Variants in LRRC4B observed in about 807,000 individuals in gnomAD.
LRRC4B encodes the protein leucine-rich repeat-containing protein 4B.
Under a neutral mutation model 7.3 loss-of-function variants are expected in LRRC4B, and 1 was observed. The ratio of observed to expected loss-of-function variants is 0.14; its 90% CI spans 0.05 to 0.65. LRRC4B has a LOEUF of 0.65. Ranked by LOEUF, LRRC4B falls within the 30% of genes least tolerant of loss-of-function variation. LRRC4B has a pLI of 0.84. For synonymous variants in LRRC4B, 500 were observed against 499.2 expected (o/e 1.00, Z -0.02); for missense variants, 730 against 1,041.6 (o/e 0.70, Z 4.12).
chr19:50,524,557 A>G (rs1199883120), intron 2 of LRRC4B, among the ~76,000 whole-genome samples: 1 of 152,136 alleles, frequency 6.6e-6, no homozygotes, highest in African/African-American at 2.4e-5. Flanking sequence ...CCCAGCCCAC[A>G]TGTGTAATTT....
chr19:50,540,760 T>G, intron 2 of LRRC4B, among the ~76,000 whole-genome samples: 1 of 151,554 alleles, frequency 6.6e-6, no homozygotes, highest in African/African-American at 2.4e-5. Context: ...GATCCATCAC[T>G]GTCTCCCATC....
At position 50,555,737 on chromosome 19, in the gene LRRC4B, G is replaced by A. The variant is rs561265704; in HGVS notation, c.-35-6864C>T. On this transcript the variant is annotated intron_variant, in intron 1 of 2. Transcript: ENST00000652263. This position sits in a 1 kb window ranked among gnomAD's most constrained non-coding sequence, Gnocchi z 5.2. Reference sequence around the variant, plus strand: ...AGAGGCGGGGTGAGGAGAAATGGGAGGCAGGGAACGTTCCTGTCAGGCGCA... The same window carrying A: ...AGAGGCGGGGTGAGGAGAAATGGGAAGCAGGGAACGTTCCTGTCAGGCGCA... 6.6e-6 allele frequency: 1 copy of A among 152,344 alleles called. No individual in the cohort carries two copies. The highest frequency in any genetic ancestry group is 1.5e-5 in the Non-Finnish European group (1 of 68,188). 9.4% of individuals were successfully genotyped at this position (152,344 alleles called of 1,614,324 possible). A position where few individuals can be genotyped will look rare whatever the true frequency, so the allele number is the denominator to read the frequency against.
intron 1 of LRRC4B, among the ~76,000 whole-genome samples, chr19:50,567,723 C>T (rs1265122240): frequency 1.4e-5 from 2 of 146,572 alleles, no homozygotes; most frequent in Non-Finnish European, 3.0e-5. Context: ...CCACCCCCCC[C>T]ACAGCACAGA....
intron 2 of LRRC4B, among the ~76,000 whole-genome samples, chr19:50,528,200 GC>G (rs1367510763): frequency 6.6e-6 from 1 of 152,026 alleles, no homozygotes; most frequent in Non-Finnish European, 1.5e-5. Context: ...ACACCACCAT[GC>G]CTTGCTAAGT....
At position 50,548,617 on chromosome 19, in the gene LRRC4B, C is replaced by T. The variant is rs756139309; in HGVS notation, c.222G>A (p.Arg74=). 62 of 1,598,044 alleles carry T rather than the reference C, an allele frequency of 3.9e-5. No homozygotes were observed. In the South Asian group the frequency reaches 5.3e-4, roughly 14 times the overall value. The change falls in exon 2 of 3, where the codon CGG becomes CGA. Residue 74 remains arginine, a synonymous_variant. Transcript: ENST00000652263. This position sits in a 1 kb window ranked among gnomAD's most constrained non-coding sequence, Gnocchi z 6.8. ...SNQASRVICT[R]RDLAEVPASI... is the part of the protein sequence containing the mutation. ...TGGCTGGGACCTCGGCCAGGTCTCT[C>T]CGTGTGCAGATCACCCGGCTGGCCT...
intron 2 of LRRC4B, among the ~76,000 whole-genome samples, chr19:50,533,306 C>T (rs563214992): frequency 1.3e-5 from 2 of 152,242 alleles, no homozygotes; most frequent in South Asian, 4.1e-4. Context: ...TTTCTTCTCT[C>T]TACTGTATTA....
rs752025772 is a variant in LRRC4B, at chr19:50,518,283, A to C, written c.1430T>G (p.Val477Gly). The C allele has an allele frequency of 3.1e-6, 5 of 1,598,486 alleles. No individual in the cohort carries two copies. Among genetic ancestry groups the C allele is most frequent in the Admixed American group, 1.7e-5 (1 of 57,988 alleles). ...GGGGPGGSGG[V>G]GGGSGGYTYF... ...GGTGTAGCCGCCACTGCCCCCTCCAACACCACCACTGCCCCCAGGGCCGCC... is the reference window on the plus strand; with the variant it reads ...GGTGTAGCCGCCACTGCCCCCTCCACCACCACCACTGCCCCCAGGGCCGCC... The change falls in exon 3 of 3, where the codon GTT becomes GGT. Residue 477 changes from valine (V) to glycine (G), a missense_variant. Val to Gly is a moderately radical substitution (Grantham distance 109). Coordinates refer to ENST00000652263, the MANE Select transcript of LRRC4B (RefSeq NM_001080457.2).
Position 50,548,486 on chromosome 19 carries a change from G to C in LRRC4B, c.297+56C>G, listed in dbSNP as rs1981907337. ...GGCCCAGAAGGGATGGGCTACATCTGCATGCCTCCCCAGTGTCCCCTCCAA... is the reference window on the plus strand; with the variant it reads ...GGCCCAGAAGGGATGGGCTACATCTCCATGCCTCCCCAGTGTCCCCTCCAA... On this transcript the variant is annotated intron_variant, in intron 2 of 2. Coordinates refer to ENST00000652263, the MANE Select transcript of LRRC4B (RefSeq NM_001080457.2). The surrounding 1 kb of genome is among the most constrained non-coding windows in gnomAD (Gnocchi z 6.8). 1.3e-6 allele frequency: 2 copies of C among 1,543,176 alleles called. No homozygotes were observed. The highest frequency in any genetic ancestry group is 1.4e-5 in the African/African-American group (1 of 73,532).
chr19:50,547,269 C>T (rs1004239523), intron 2 of LRRC4B, among the ~76,000 whole-genome samples: 2 of 152,116 alleles, frequency 1.3e-5, no homozygotes, highest in East Asian at 1.9e-4. Flanking sequence ...ACGCCCCTGA[C>T]GTTTCTGGAC....
chr19:50,550,715 AAGAG>A (rs1030915615), intron 1 of LRRC4B, among the ~76,000 whole-genome samples: 2 of 152,070 alleles, frequency 1.3e-5, no homozygotes, highest in Non-Finnish European at 2.9e-5. Context: ...TGGGGAGAGA[AAGAG>A]AGAGAGGTTG....
chr19:50,549,362 T>A (rs1028114751), intron 1 of LRRC4B, among the ~76,000 whole-genome samples: 2 of 152,146 alleles, frequency 1.3e-5, no homozygotes, highest in Non-Finnish European at 2.9e-5. Context: ...CCTTGCCACC[T>A]GCGTGATCAC....
At chr19:50,551,246 T>C (rs1982046978) in intron 1 of LRRC4B, among the ~76,000 whole-genome samples, 1 of 148,344 alleles carries the variant, frequency 6.7e-6, no homozygotes, top group South Asian at 2.2e-4. Context: ...CCCCTCCACA[T>C]GCCTCCGGCC....
Position 50,517,756 on chromosome 19 carries a change from G to T in LRRC4B, c.1957C>A (p.Pro653Thr). 2 of 1,523,414 alleles carry T rather than the reference G, an allele frequency of 1.3e-6. No individual in the cohort carries two copies. 94.4% of individuals were successfully genotyped at this position (1,523,414 alleles called of 1,614,324 possible). A position where few individuals can be genotyped will look rare whatever the true frequency, so the allele number is the denominator to read the frequency against. Residue 653 changes from proline (P) to threonine (T), a missense_variant, in exon 3 of 3, where the codon CCC (proline) becomes ACC (threonine). By Grantham distance (38) the Pro-to-Thr change is conservative. Transcript: ENST00000652263. The surrounding 1 kb of genome is among the most constrained non-coding windows in gnomAD (Gnocchi z 6.6). ...GVGGDSHLALPALERDHLNHH... is the reference protein window; with the variant it reads ...GVGGDSHLALTALERDHLNHH... ...TTGAGGTGGTCTCGCTCCAGGGCGG[G>T]CAGGGCCAGGTGGCTGTCCCCGCCC...
chr19:50,533,550 C>T (rs1367419793), intron 2 of LRRC4B, among the ~76,000 whole-genome samples: 1 of 152,148 alleles, frequency 6.6e-6, no homozygotes, highest in Non-Finnish European at 1.5e-5. Flanking sequence ...CTCTTCTCCT[C>T]CCAAATGATA....
chr19:50,539,515 C>T (rs1170610615), intron 2 of LRRC4B, among the ~76,000 whole-genome samples: 7 of 152,124 alleles, frequency 4.6e-5, no homozygotes, highest in Non-Finnish European at 1.5e-5. Flanking sequence ...TGAGCAAATT[C>T]CAGTATAGCC....
chr19:50,546,953 G>C (rs1981842540), intron 2 of LRRC4B, among the ~76,000 whole-genome samples: 1 of 152,218 alleles, frequency 6.6e-6, no homozygotes, highest in Non-Finnish European at 1.5e-5. Flanking sequence ...GCTAGGGCTG[G>C]GCTTTGCCTG....
In LRRC4B at chr19:50,518,548, T is replaced by C. The variant is rs1601367478; in HGVS notation, c.1165A>G (p.Thr389Ala). Residue 389 changes from threonine to alanine, a missense_variant, in exon 3 of 3, where the codon ACC becomes GCC. By Grantham distance (58) the Thr-to-Ala change is moderately conservative (BLOSUM62 0). Coordinates refer to ENST00000652263, the MANE Select transcript of LRRC4B (RefSeq NM_001080457.2). ...MAAELKCRTG[T>A]SMTSVNWLTP... ...AGCCAGTTGACGGAGGTCATGGAGG[T>C]GCCCGTGCGGCATTTGAGCTCGGCA... is the stretch of plus-strand genomic sequence containing the variant. 6 of 1,585,006 alleles carry C rather than the reference T, an allele frequency of 3.8e-6. No homozygotes were observed. Among genetic ancestry groups the C allele is most frequent in the Non-Finnish European group, 5.2e-6 (6 of 1,163,098 alleles).
intron 2 of LRRC4B, among the ~76,000 whole-genome samples, chr19:50,541,909 G>A (rs1311295791): frequency 6.6e-6 from 1 of 152,254 alleles, no homozygotes; most frequent in South Asian, 2.1e-4. Flanking sequence ...CAGATGGACG[G>A]GGGTGGGTGC....
Position 50,548,705 on chromosome 19 carries a change from G to A in LRRC4B, c.134C>T (p.Ser45Phe), listed in dbSNP as rs571573856. 3.9e-6 allele frequency: 6 copies of A among 1,544,460 alleles called. No homozygotes were observed. The South Asian group carries it at 7.1e-5, about 18-fold the overall frequency. The change falls in exon 2 of 3, where the codon TCT becomes TTT. Residue 45 changes from serine to phenylalanine, a missense_variant. Physicochemically the swap from Ser to Phe is radical, Grantham distance 155. Around this residue, in one of 6 missense-constraint regions of LRRC4B, gnomAD observed 143 missense variants for 158.4 expected, o/e 0.90. Coordinates refer to ENST00000652263, the MANE Select transcript of LRRC4B (RefSeq NM_001080457.2). The surrounding 1 kb of genome is among the most constrained non-coding windows in gnomAD (Gnocchi z 6.8). ...CGGCGGGGAGCCCCCTCCGGCGGCA[G>A]ACGTCACGGCCACTCCACCTCCACC... ...GAGGGGVAVTSAAGGGSPPAT... is the reference protein window; with the variant it reads ...GAGGGGVAVTFAAGGGSPPAT...
Sources: allele counts gnomAD v4.1 joint callset (sites outside exome capture counted in the v4.1 genomes callset), GRCh38; gene constraint gnomAD v4.1.1; regional missense constraint gnomAD v4.1.1; non-coding constraint Gnocchi (gnomAD v3.1); transcripts MANE v1.5; gene names NCBI Gene and HGNC (gene_info 2026-07-23, HGNC 2026-07-21).